PHACTR1: variants seen among roughly 807,000 people sequenced by gnomAD.
PHACTR1 encodes the protein phosphatase and actin regulator 1.
PHACTR1 carries 16 observed loss-of-function variants against 69.2 expected under a neutral mutation model. The ratio of observed to expected loss-of-function variants is 0.23; its 90% CI spans 0.16 to 0.35. The LOEUF (loss-of-function observed/expected upper bound fraction) is 0.35, where lower values mean the gene tolerates loss of function less well. Among genes scored for constraint, PHACTR1 ranks in the 10% least tolerant of loss-of-function variants. The pLI, the probability that PHACTR1 is intolerant of heterozygous loss-of-function variation, is 1.00. For missense variants in PHACTR1, 510 were observed against 734.7 expected, an observed-to-expected ratio of 0.69 and a Z score of 3.54; for synonymous variants, 312 against 284.5, an observed-to-expected ratio of 1.10 and a Z score of -0.97.
intron 3 of PHACTR1, among the ~76,000 whole-genome samples, chr6:12,737,383 G>T (rs547335857): frequency 3.4e-4 from 46 of 135,390 alleles, no homozygotes; most frequent in South Asian, 5.3e-4. Context: ...TATATACAGA[G>T]GAGATATTGT....
At chr6:12,893,731 G>A (rs961829415) in intron 4 of PHACTR1, among the ~76,000 whole-genome samples, 20 of 152,186 alleles carry the variant, frequency 1.3e-4, no homozygotes, top group African/African-American at 4.8e-4. Flanking sequence ...TCTTCTTCCA[G>A]CATGACTGCA....
At chr6:13,162,423 G>A (rs555549520) in intron 6 of PHACTR1, among the ~76,000 whole-genome samples, 1 of 151,610 alleles carries the variant, frequency 6.6e-6, no homozygotes, top group Non-Finnish European at 1.5e-5. Context: ...CACCGCGCCC[G>A]GCCCCTCCCT....
chr6:12,986,473 T>G (rs1045795283), intron 4 of PHACTR1, among the ~76,000 whole-genome samples: 1 of 152,248 alleles, frequency 6.6e-6, no homozygotes, highest in Non-Finnish European at 1.5e-5. Context: ...CTGTATGGTT[T>G]CAGTCTTTAG....
intron 6 of PHACTR1, among the ~76,000 whole-genome samples, chr6:13,172,133 G>C (rs570080736): frequency 6.6e-6 from 1 of 152,112 alleles, no homozygotes; most frequent in Admixed American, 6.5e-5. Context: ...TGATGAAAGA[G>C]GCCCCTTTCA....
rs1022032066 is a variant in PHACTR1 at position 12,957,083 on chromosome 6, G to C, written c.251-96282G>C. Among the ~76,000 whole-genome samples, 189 of 150,694 alleles carry C rather than the reference G, an allele frequency of 1.3e-3. 1 individual carries two copies. The highest frequency in any genetic ancestry group is 4.4e-3 in the African/African-American group (179 of 40,952). On this transcript the variant is annotated intron_variant, in intron 4 of 14. Coordinates refer to ENST00000332995, the MANE Select transcript of PHACTR1 (RefSeq NM_030948.6). ...CTTCCCTTCCTAGGGGGCGGGGTGG[G>C]GTGGATGATGCTGGGGGGTGGGGGA... is the stretch of plus-strand genomic sequence containing the variant.
At chr6:13,242,964 A>G (rs6908313) in intron 10 of PHACTR1, among the ~76,000 whole-genome samples, 3,245 of 152,304 alleles carry the variant, frequency 0.021, 119 homozygotes, top group African/African-American at 0.073. Flanking sequence ...AGTGAGTCAA[A>G]GTATGCTTAC....
At chr6:12,893,243 A>C (rs974971809) in intron 4 of PHACTR1, among the ~76,000 whole-genome samples, 1 of 152,200 alleles carries the variant, frequency 6.6e-6, no homozygotes, top group Non-Finnish European at 1.5e-5. Context: ...GATGCGTACA[A>C]AGCTGAAGCC....
At chr6:12,738,419 A>G (rs1764585186) in intron 3 of PHACTR1, among the ~76,000 whole-genome samples, 2 of 152,204 alleles carry the variant, frequency 1.3e-5, no homozygotes, top group South Asian at 4.1e-4. Context: ...GGCCATGAAA[A>G]TATCCCACCC....
rs371958676 is a variant in PHACTR1, at chr6:12,852,197, T to C, written c.250+102407T>C. 9.9e-5 allele frequency among the ~76,000 whole-genome samples: 15 copies of C among 152,244 alleles called. 1 individual carries two copies. Among genetic ancestry groups the C allele is most frequent in the Admixed American group, 7.2e-4 (11 of 15,280 alleles). On this transcript the variant is annotated intron_variant, in intron 4 of 14. Coordinates refer to ENST00000332995, the MANE Select transcript of PHACTR1 (RefSeq NM_030948.6). The stretch of plus-strand genomic sequence containing the variant: ...GGTATTGAGGCCCTAAGAGAAATAA[T>C]TGTGAAGCCAATTTAAAGTACCAGT...
At chr6:13,124,287 A>T (rs1042053083) in intron 5 of PHACTR1, among the ~76,000 whole-genome samples, 1 of 152,198 alleles carries the variant, frequency 6.6e-6, no homozygotes, top group African/African-American at 2.4e-5. Context: ...GGAGTTCCCA[A>T]TAAATTGTGT....
At chr6:13,011,467 C>A (rs1297763711) in intron 4 of PHACTR1, among the ~76,000 whole-genome samples, 2 of 152,180 alleles carry the variant, frequency 1.3e-5, no homozygotes, top group Non-Finnish European at 2.9e-5. Flanking sequence ...TTAACTTGAA[C>A]AAAGGGCCCC....
chr6:13,154,383 C>T (rs1173026904), intron 5 of PHACTR1, among the ~76,000 whole-genome samples: 1 of 152,100 alleles, frequency 6.6e-6, no homozygotes, highest in Non-Finnish European at 1.5e-5. Flanking sequence ...TGATCTTGAA[C>T]TCCTGACCTC....
chr6:12,915,176 C>T (rs377568242), intron 4 of PHACTR1, among the ~76,000 whole-genome samples: 1 of 152,080 alleles, frequency 6.6e-6, no homozygotes, highest in East Asian at 1.9e-4. Context: ...ATCTGCACCA[C>T]CAGAGTGAGA....
chr6:13,148,358 C>CA (rs937799614), intron 5 of PHACTR1, among the ~76,000 whole-genome samples: 9 of 151,442 alleles, frequency 5.9e-5, no homozygotes, highest in African/African-American at 1.9e-4. Context: ...CATACATCTC[C>CA]AAAAAAAATA....
chr6:13,105,997 T>C (rs74367708), intron 5 of PHACTR1, among the ~76,000 whole-genome samples: 1,857 of 152,304 alleles, frequency 0.012, 42 homozygotes, highest in African/African-American at 0.042. Flanking sequence ...GGGTGTGAGT[T>C]ATAGTGTCTG....
intron 4 of PHACTR1, among the ~76,000 whole-genome samples, chr6:12,969,999 T>C (rs1793990348): frequency 6.6e-6 from 1 of 152,074 alleles, no homozygotes; most frequent in Non-Finnish European, 1.5e-5. Flanking sequence ...AAACCACAAA[T>C]GTTGAGAACA....
chr6:13,003,099 T>C (rs1387444065), intron 4 of PHACTR1, among the ~76,000 whole-genome samples: 3 of 152,208 alleles, frequency 2.0e-5, no homozygotes, highest in African/African-American at 7.2e-5. Flanking sequence ...CTCCCTGATA[T>C]ATTGCCAATT....
At chr6:13,232,464 C>T (rs1390533108) in intron 10 of PHACTR1, among the ~76,000 whole-genome samples, 1 of 152,232 alleles carries the variant, frequency 6.6e-6, no homozygotes, top group Admixed American at 6.5e-5. Flanking sequence ...GCCACACACA[C>T]ATACATACTT....
At chr6:13,028,200 T>C (rs1801970494) in intron 4 of PHACTR1, among the ~76,000 whole-genome samples, 1 of 152,186 alleles carries the variant, frequency 6.6e-6, no homozygotes, top group African/African-American at 2.4e-5. Flanking sequence ...GGAAAATTAA[T>C]GTGCTGCGTT....
Sources: gnomAD v4.1 joint callset for allele counts (sites outside exome capture counted in the v4.1 genomes callset) on GRCh38, gnomAD v4.1.1 for gene constraint, MANE v1.5 for transcripts, NCBI Gene and HGNC (gene_info 2026-07-23, HGNC 2026-07-21) for gene names.